LIAS: variants seen among roughly 807,000 people sequenced by gnomAD.
LIAS encodes lipoyl synthase, mitochondrial.
In LIAS, 36 loss-of-function variants were observed where a neutral mutation model predicts 49.4. The observed-to-expected ratio is 0.73, with a 90% CI of 0.56 to 0.96. LIAS has a LOEUF of 0.96. Among genes scored for constraint, LIAS ranks in the 40% least tolerant of loss-of-function variants. The probability of loss-of-function intolerance (pLI) is 0.00; values close to 1 mark genes in which losing one functional copy is unlikely to be tolerated. For synonymous variants in LIAS, 145 were observed against 155.8 expected (o/e 0.93, Z 0.52); for missense variants, 399 against 456.3 (o/e 0.87, Z 1.14).
rs1185570637 is a variant in LIAS at position 39,470,016 on chromosome 4, C to T, written c.738-3C>T. 6.2e-7 allele frequency: 1 copy of T among 1,604,468 alleles called. No individual in the cohort carries two copies. The highest frequency in any genetic ancestry group is 8.5e-7 in the Non-Finnish European group (1 of 1,173,420). On this transcript the variant is annotated splice_region_variant and splice_polypyrimidine_tract_variant and intron_variant, in intron 7 of 10. Transcript: ENST00000640888. ...TGCTGACAACAGTCCTGCTGTTTTC[C>T]AGTAAGGTTCGTGATCCTCGGGCCA... is the stretch of plus-strand genomic sequence containing the variant.
chr4:39,478,181 G>C lies in LIAS; in HGVS notation c.*1066G>C, dbSNP rs1290002459. 2.6e-5 allele frequency: 4 copies of C among 152,148 alleles called. No individual in the cohort carries two copies. The East Asian group carries it at 7.7e-4, about 29-fold the overall frequency. The allele number at this position is 152,148 out of a possible 1,614,324, so 9.4% of individuals were successfully genotyped here. A position where few individuals can be genotyped will look rare whatever the true frequency, so the allele number is the denominator to read the frequency against. ...ACTCATCAGATTAGCATTTGTCCTT[G>C]TAATATTGGAATAATTTAGAAAGGC... On this transcript the variant is annotated 3_prime_UTR_variant, in exon 11 of 11. Transcript: ENST00000640888.
rs774040503 is a variant in LIAS at position 39,459,135 on chromosome 4, G to A, written c.18G>A (p.Gly6=). MSLRC[G]DAARTLGPRV... ...AAGAGGAAATGTCTCTACGCTGCGG[G>A]GATGCAGCCCGCACCCTGGGGCCCC... Residue 6 remains glycine, a synonymous_variant, in exon 1 of 11, where the codon GGG becomes GGA. Coordinates refer to ENST00000640888, the MANE Select transcript of LIAS (RefSeq NM_006859.4). 2.5e-6 allele frequency: 4 copies of A among 1,613,848 alleles called. No individual in the cohort carries two copies. The highest frequency in any genetic ancestry group is 3.3e-5 in the Admixed American group (2 of 60,010).
At chr4:39,460,549 A>AC (rs1406687632) in intron 1 of LIAS, among the ~76,000 whole-genome samples, 1 of 151,748 alleles carries the variant, frequency 6.6e-6, no homozygotes, top group Non-Finnish European at 1.5e-5. Context: ...AAAAAAAAAA[A>AC]AAACAGATTT....
At chr4:39,465,372 G>T (rs779129396) in intron 6 of LIAS, 30 bp downstream of exon 6, 10 of 1,571,930 alleles carry the variant, frequency 6.4e-6, no homozygotes, top group Non-Finnish European at 8.6e-6. Context: ...TGTAATTTAA[G>T]GACCTTTTTG....
chr4:39,470,027 G>C lies in LIAS; in HGVS notation c.746G>C (p.Arg249Pro). 6.2e-7 allele frequency: 1 copy of C among 1,607,222 alleles called. No homozygotes were observed. Among genetic ancestry groups the C allele is most frequent in the Non-Finnish European group, 8.5e-7 (1 of 1,175,176 alleles). Reference protein sequence around the residue: ...ETVPELQSKVRDPRANFDQSL... With the variant: ...ETVPELQSKVPDPRANFDQSL... ...GTCCTGCTGTTTTCCAGTAAGGTTC[G>C]TGATCCTCGGGCCAATTTTGATCAG... The change falls in exon 8 of 11, where the codon CGT becomes CCT. Residue 249 changes from arginine to proline, a missense_variant. Physicochemically the swap from Arg to Pro is moderately radical, Grantham distance 103. Coordinates refer to ENST00000640888, the MANE Select transcript of LIAS (RefSeq NM_006859.4).
intron 10 of LIAS, chr4:39,476,102 C>T (rs1214920926): frequency 6.6e-6 from 1 of 152,034 alleles, no homozygotes; most frequent in Non-Finnish European, 1.5e-5. Context: ...GAGTAATGTC[C>T]TTTGAAAGGA....
chr4:39,463,457 A>G, intron 3 of LIAS, 68 bp from the exon 4 acceptor site: 1 of 1,436,088 alleles, frequency 7.0e-7, no homozygotes, highest in Non-Finnish European at 9.2e-7. Context: ...ATGTCTAATC[A>G]CAGTCACCAA....
At chr4:39,464,398 C>A (rs563785503) in intron 4 of LIAS, among the ~76,000 whole-genome samples, 21 of 151,974 alleles carry the variant, frequency 1.4e-4, no homozygotes, top group African/African-American at 5.1e-4. Context: ...ACAACAGACA[C>A]CCTCATACCT....
intron 2 of LIAS, among the ~76,000 whole-genome samples, chr4:39,461,511 A>G (rs995058701): frequency 4.6e-5 from 7 of 152,230 alleles, no homozygotes; most frequent in African/African-American, 1.7e-4. Flanking sequence ...AATGTAGAGC[A>G]GACAGTGCAC....
chr4:39,460,711 C>A, intron 1 of LIAS, 79 bp from the exon 2 acceptor site: 3 of 1,210,424 alleles, frequency 2.5e-6, no homozygotes, highest in Non-Finnish European at 3.4e-6. Context: ...TTTACCCTTC[C>A]GTTTAGGTGT....
chr4:39,477,010 C>A (rs1745216445), intron 10 of LIAS, 53 bp from the exon 11 acceptor site: 1 of 1,153,808 alleles, frequency 8.7e-7, no homozygotes, highest in South Asian at 1.4e-5. Flanking sequence ...ATAGTTGTCT[C>A]ACTGTTATTT....
intron 7 of LIAS, among the ~76,000 whole-genome samples, chr4:39,468,644 C>T (rs573028001): frequency 3.3e-4 from 47 of 140,696 alleles, no homozygotes; most frequent in African/African-American, 1.1e-3. Context: ...TTTGGGAGGC[C>T]GAGGCGGGCG....
rs1745297897 is a variant in LIAS, at chr4:39,478,861, G to A, written c.*1746G>A. 6.6e-6 allele frequency: 1 copy of A among 152,188 alleles called. No individual in the cohort carries two copies. The allele number at this position is 152,188 out of a possible 1,614,324, so 9.4% of individuals were successfully genotyped here. On this transcript the variant is annotated 3_prime_UTR_variant, in exon 11 of 11. Coordinates refer to ENST00000640888, the MANE Select transcript of LIAS (RefSeq NM_006859.4). ...GTGGCCATGTTGTAAAATATGTAAA[G>A]TGGATAGCCAATTCTGTTTTGAATT...
At chr4:39,461,855 C>T (rs1303220233) in intron 2 of LIAS, among the ~76,000 whole-genome samples, 8 of 152,116 alleles carry the variant, frequency 5.3e-5, no homozygotes, top group African/African-American at 7.2e-5. Flanking sequence ...CCACCACGCC[C>T]GGCTAATTTT....
chr4:39,475,062 C>G (rs1479958674), intron 10 of LIAS: 1 of 152,346 alleles, frequency 6.6e-6, no homozygotes, highest in Non-Finnish European at 1.5e-5. Flanking sequence ...CAAAAATTAG[C>G]TGGGCATGGT....
At chr4:39,476,969 A>G (rs1745214675) in intron 10 of LIAS, 94 bp from the exon 11 acceptor site, 1 of 817,596 alleles carries the variant, frequency 1.2e-6, no homozygotes, top group Non-Finnish European at 1.9e-6. Flanking sequence ...AGTCTTCTTT[A>G]AAGGGGGAAC....
At chr4:39,473,771 T>G (rs1006106524) in intron 10 of LIAS, 1 of 152,212 alleles carries the variant, frequency 6.6e-6, no homozygotes, top group African/African-American at 2.4e-5. Context: ...TGCAAATTTT[T>G]TTTACTTTTG....
intron 6 of LIAS, among the ~76,000 whole-genome samples, chr4:39,465,688 T>C (rs1048869096): frequency 6.7e-6 from 1 of 148,628 alleles, no homozygotes; most frequent in Non-Finnish European, 1.5e-5. Context: ...TTTTTTGAGA[T>C]GGAGTCTCGC....
At chr4:39,460,274 G>A (rs1330161226) in intron 1 of LIAS, among the ~76,000 whole-genome samples, 1 of 152,210 alleles carries the variant, frequency 6.6e-6, no homozygotes, top group African/African-American at 2.4e-5. Context: ...GCTTACGCCT[G>A]TAATCCCAGC....
Sources: gnomAD v4.1 joint callset for allele counts (sites outside exome capture counted in the v4.1 genomes callset) on GRCh38, gnomAD v4.1.1 for gene constraint, MANE v1.5 for transcripts, NCBI Gene and HGNC (gene_info 2026-07-23, HGNC 2026-07-21) for gene names.